TSTD2: variants seen among roughly 807,000 people sequenced by gnomAD.
The protein encoded by TSTD2 is thiosulfate sulfurtransferase/rhodanese-like domain-containing protein 2.
Under a neutral mutation model 47.9 loss-of-function variants are expected in TSTD2, and 37 were observed. The ratio of observed to expected loss-of-function variants is 0.77; its 90% CI spans 0.59 to 1.02. The LOEUF is 1.02. TSTD2 is among the 50% of genes least tolerant of loss of function. The pLI is 0.00. For missense variants in TSTD2, 586 were observed against 616.0 expected, an observed-to-expected ratio of 0.95 and a Z score of 0.52; for synonymous variants, 201 against 215.9, an observed-to-expected ratio of 0.93 and a Z score of 0.61.
At chr9:97,628,834 T>C (rs962327983) in intron 1 of TSTD2, among the ~76,000 whole-genome samples, 3 of 152,060 alleles carry the variant, frequency 2.0e-5, no homozygotes, top group Admixed American at 1.3e-4. Context: ...ATCCAACCCA[T>C]GCAGAGACCA....
rs143857743 is a variant in TSTD2, at chr9:97,620,122, G to A, written c.483-2245C>T. ...GAATTGTAATTCTCACAATTCCCAC[G>A]TGTCATTGGAGGAACGCAGTGGGAG... On this transcript the variant is annotated intron_variant, in intron 3 of 9. Coordinates refer to ENST00000341170, the MANE Select transcript of TSTD2 (RefSeq NM_139246.5). 2.0e-5 allele frequency among the ~76,000 whole-genome samples: 3 copies of A among 152,284 alleles called. No homozygotes were observed. The East Asian group carries it at 5.8e-4, about 29-fold the overall frequency.
At chr9:97,628,058 A>T (rs900073903) in intron 1 of TSTD2, among the ~76,000 whole-genome samples, 1 of 152,216 alleles carries the variant, frequency 6.6e-6, no homozygotes, top group Admixed American at 6.5e-5. Context: ...AGGGTAAATA[A>T]TACCAGAAAA....
chr9:97,601,068 G>T lies in TSTD2; in HGVS notation c.*1401C>A, dbSNP rs983369293. The T allele has an allele frequency of 7.7e-7, 1 of 1,304,154 alleles. No homozygotes were observed. Among genetic ancestry groups the T allele is most frequent in the Non-Finnish European group, 1.0e-6 (1 of 988,956 alleles). 80.8% of individuals were successfully genotyped at this position (1,304,154 alleles called of 1,614,324 possible). ...ACTGTAAGGCAGTGGGCAGTACAGG[G>T]TAACTGGAGGCGGGGCCAGGGCCTC... is the stretch of plus-strand genomic sequence containing the variant. On this transcript the variant is annotated 3_prime_UTR_variant, in exon 10 of 10. Coordinates refer to ENST00000341170, the MANE Select transcript of TSTD2 (RefSeq NM_139246.5).
At position 97,601,707 on chromosome 9, in the gene TSTD2, T is replaced by C. The variant is rs1000242650; in HGVS notation, c.*762A>G. On this transcript the variant is annotated 3_prime_UTR_variant, in exon 10 of 10. Coordinates refer to ENST00000341170, the MANE Select transcript of TSTD2 (RefSeq NM_139246.5). ...CATAGATCATGTGTAAAGGAATGGGTGTGGCTGTTCAATAAACTATACAGT... is the reference window on the plus strand; with the variant it reads ...CATAGATCATGTGTAAAGGAATGGGCGTGGCTGTTCAATAAACTATACAGT... 1 of 413,266 alleles carries C rather than the reference T, an allele frequency of 2.4e-6. No homozygotes were observed. Among genetic ancestry groups the C allele is most frequent in the African/African-American group, 2.1e-5 (1 of 46,572 alleles). 25.6% of individuals were successfully genotyped at this position (413,266 alleles called of 1,614,324 possible). A position where few individuals can be genotyped will look rare whatever the true frequency, so the allele number is the denominator to read the frequency against.
chr9:97,618,957 A>G (rs1424904321), intron 3 of TSTD2, among the ~76,000 whole-genome samples: 2 of 152,218 alleles, frequency 1.3e-5, no homozygotes, highest in African/African-American at 2.4e-5. Context: ...GTAACCCGTT[A>G]TCATCTGCTA....
chr9:97,615,286 A>G (rs1826526352), intron 4 of TSTD2, among the ~76,000 whole-genome samples: 1 of 152,254 alleles, frequency 6.6e-6, no homozygotes, highest in Non-Finnish European at 1.5e-5. Context: ...TTGCTATGAG[A>G]CAGAAGCATT....
At chr9:97,620,726 G>C (rs1004914452) in intron 3 of TSTD2, among the ~76,000 whole-genome samples, 3 of 152,216 alleles carry the variant, frequency 2.0e-5, no homozygotes, top group South Asian at 2.1e-4. Context: ...GACTGGTGTG[G>C]CATTTTGCCC....
intron 1 of TSTD2, among the ~76,000 whole-genome samples, chr9:97,628,915 A>G (rs1826766347): frequency 6.6e-6 from 1 of 152,198 alleles, no homozygotes; most frequent in African/African-American, 2.4e-5. Context: ...TAGACCCTTC[A>G]GATTCCAGAT....
At position 97,602,246 on chromosome 9, in the gene TSTD2, T is replaced by C; in HGVS notation, c.*223A>G. On this transcript the variant is annotated 3_prime_UTR_variant, in exon 10 of 10. Coordinates refer to ENST00000341170, the MANE Select transcript of TSTD2 (RefSeq NM_139246.5). ...GCTTTGGGATCCCATGCAGCTCACC[T>C]ATTTTCTGTGCTCTAGCATCATCCA... 1.8e-6 allele frequency: 1 copy of C among 556,772 alleles called. No individual in the cohort carries two copies. 34.5% of individuals were successfully genotyped at this position (556,772 alleles called of 1,614,324 possible). A position where few individuals can be genotyped will look rare whatever the true frequency, so the allele number is the denominator to read the frequency against.
chr9:97,602,409 CTG>C lies in TSTD2; in HGVS notation c.*58_*59del, dbSNP rs1406912479. 6.6e-7 allele frequency: 1 copy of C among 1,504,246 alleles called. No homozygotes were observed. Among genetic ancestry groups the C allele is most frequent in the Admixed American group, 2.3e-5 (1 of 43,888 alleles). 93.2% of individuals were successfully genotyped at this position (1,504,246 alleles called of 1,614,324 possible). A position where few individuals can be genotyped will look rare whatever the true frequency, so the allele number is the denominator to read the frequency against. ...TTTCTGCAGTCTTGCCATGCTTTCT[CTG>C]TATAGTCACCCCAAACCTACTTTTA... is the stretch of plus-strand genomic sequence containing the variant. On this transcript the variant is annotated 3_prime_UTR_variant, in exon 10 of 10. Coordinates refer to ENST00000341170, the MANE Select transcript of TSTD2 (RefSeq NM_139246.5).
At chr9:97,610,856 C>T (rs1826445425) in intron 5 of TSTD2, 2 of 153,388 alleles carry the variant, frequency 1.3e-5, no homozygotes, top group African/African-American at 4.8e-5. Flanking sequence ...CCTGTGAGAG[C>T]AACAACTTTA....
intron 3 of TSTD2, among the ~76,000 whole-genome samples, chr9:97,618,761 A>G (rs1826584121): frequency 6.6e-6 from 1 of 152,206 alleles, no homozygotes; most frequent in Non-Finnish European, 1.5e-5. Context: ...ACGACAATTA[A>G]GGTCCTATCC....
chr9:97,629,720 T>C (rs1826779571), intron 1 of TSTD2, among the ~76,000 whole-genome samples: 1 of 152,146 alleles, frequency 6.6e-6, no homozygotes, highest in African/African-American at 2.4e-5. Context: ...CAAAGCTGTT[T>C]TATTGTAAAG....
intron 1 of TSTD2, among the ~76,000 whole-genome samples, chr9:97,628,443 T>C (rs974452531): frequency 2.0e-5 from 3 of 152,126 alleles, no homozygotes; most frequent in African/African-American, 7.2e-5. Flanking sequence ...CTTGTGGAAA[T>C]TGTGCATTGT....
At chr9:97,622,586 C>T (rs370524244) in intron 3 of TSTD2, among the ~76,000 whole-genome samples, 7 of 152,296 alleles carry the variant, frequency 4.6e-5, no homozygotes, top group African/African-American at 1.4e-4. Flanking sequence ...GAGCTTGCAC[C>T]GTGTGCCGAA....
rs1564004598 is a variant in TSTD2, at chr9:97,601,615, A to T, written c.*854T>A. ...AGGGGCTGGCAAACTTTTCTGTAAA[A>T]GGCCAGACAGTAAAAATTTCCGATT... On this transcript the variant is annotated 3_prime_UTR_variant, in exon 10 of 10. Coordinates refer to ENST00000341170, the MANE Select transcript of TSTD2 (RefSeq NM_139246.5). 2.0e-6 allele frequency: 2 copies of T among 987,114 alleles called. No homozygotes were observed. Among genetic ancestry groups the T allele is most frequent in the Non-Finnish European group, 2.4e-6 (2 of 831,080 alleles). The allele number at this position is 987,114 out of a possible 1,614,324, so 61.1% of individuals were successfully genotyped here.
intron 3 of TSTD2, among the ~76,000 whole-genome samples, chr9:97,624,722 T>G (rs1826692971): frequency 6.6e-6 from 1 of 151,790 alleles, no homozygotes. Context: ...AAGAGTCTAA[T>G]GCAGTTTGAA....
intron 3 of TSTD2, among the ~76,000 whole-genome samples, chr9:97,619,702 T>C (rs1325269068): frequency 6.6e-6 from 1 of 151,880 alleles, no homozygotes; most frequent in East Asian, 1.9e-4. Context: ...CAATATATAA[T>C]ATACATAACA....
chr9:97,612,068 C>T (rs1370890243), intron 4 of TSTD2, among the ~76,000 whole-genome samples: 1 of 152,118 alleles, frequency 6.6e-6, no homozygotes, highest in Non-Finnish European at 1.5e-5. Context: ...TATGTGTCCA[C>T]GTTCTCATAA....
Sources: allele counts gnomAD v4.1 joint callset (sites outside exome capture counted in the v4.1 genomes callset), GRCh38; gene constraint gnomAD v4.1.1; transcripts MANE v1.5; gene names NCBI Gene and HGNC (gene_info 2026-07-23, HGNC 2026-07-21).